CCDC196: variants seen among roughly 807,000 people sequenced by gnomAD.
CCDC196 encodes coiled-coil domain containing 196, also known as coiled-coil domain-containing protein 196.
intron 4 of CCDC196, among the ~76,000 whole-genome samples, chr14:66,489,521 C>T (rs1594735573): frequency 1.3e-5 from 2 of 152,132 alleles, no homozygotes; most frequent in South Asian, 4.1e-4. Context: ...TCCTCCTCCC[C>T]TTTTCTATTA....
chr14:66,491,525 T>C, intron 6 of CCDC196, 101 bp from the exon 7 acceptor site: 1 of 412,346 alleles, frequency 2.4e-6, no homozygotes. Context: ...ATAGTAAATC[T>C]GCGACACTAT....
intron 8 of CCDC196, among the ~76,000 whole-genome samples, chr14:66,495,094 T>G (rs1316812359): frequency 6.6e-6 from 1 of 151,676 alleles, no homozygotes; most frequent in African/African-American, 2.4e-5. Flanking sequence ...TTCTCCTTGA[T>G]GCCATCAAGT....
chr14:66,489,777 A>T (rs1217035590), intron 4 of CCDC196, among the ~76,000 whole-genome samples: 1 of 152,128 alleles, frequency 6.6e-6, no homozygotes, highest in Non-Finnish European at 1.5e-5. Context: ...ATACCCTTAT[A>T]ATTTTACAGC....
chr14:66,491,828 G>C, intron 7 of CCDC196, 143 bp downstream of exon 7: 1 of 411,476 alleles, frequency 2.4e-6, no homozygotes, highest in Non-Finnish European at 4.4e-6. Context: ...TAGAAAGATA[G>C]CTGAAGGGAC....
rs1055136 is a variant in CCDC196 at position 66,498,482 on chromosome 14, G to A, written c.*10G>A. 0.18 allele frequency: 72,719 copies of A among 412,936 alleles called. 7,143 individuals carry two copies. The highest frequency in any genetic ancestry group is 0.21 in the Non-Finnish European group (48,157 of 225,544). 25.6% of individuals were successfully genotyped at this position (412,936 alleles called of 1,614,324 possible). On this transcript the variant is annotated 3_prime_UTR_variant, in exon 10 of 10. Coordinates refer to ENST00000636229, the MANE Select transcript of CCDC196 (RefSeq NM_001351576.1). Reference sequence around the variant, plus strand: ...AGCACTGAAGAATTAGCAGGCTTTCGCTCCATTTGCTTTGGACAGATTTAA... The same window carrying A: ...AGCACTGAAGAATTAGCAGGCTTTCACTCCATTTGCTTTGGACAGATTTAA...
intron 8 of CCDC196, chr14:66,496,138 A>G: frequency 2.7e-6 from 1 of 364,816 alleles, no homozygotes; most frequent in Non-Finnish European, 5.4e-6. Flanking sequence ...TCTAGTTTCA[A>G]AAGAATTGAA....
chr14:66,496,481 C>A, intron 8 of CCDC196: 1 of 409,302 alleles, frequency 2.4e-6, no homozygotes, highest in South Asian at 1.7e-5. Context: ...CTCACTTAGT[C>A]TGTTTATACC....
Position 66,490,772 on chromosome 14 carries a change from C to T in CCDC196, c.382C>T (p.Gln128Ter). The T allele has an allele frequency of 5.0e-6, 2 of 399,516 alleles. No homozygotes were observed. The highest frequency in any genetic ancestry group is 7.1e-5 in the East Asian group (2 of 28,078). The allele number at this position is 399,516 out of a possible 1,614,324, so 24.7% of individuals were successfully genotyped here. A position where few individuals can be genotyped will look rare whatever the true frequency, so the allele number is the denominator to read the frequency against. Residue 128 changes from glutamine to a stop codon, truncating the protein, a stop_gained, in exon 5 of 10, where the codon CAA (glutamine) becomes TAA (stop). Transcript: ENST00000636229. LOFTEE classifies it high-confidence loss of function. The stretch of plus-strand genomic sequence containing the variant: ...CGAGGCAGAAGAACTTAGTGATCAA[C>T]AAAAAGCACCACAGACAAAAAACAA... ...TFEAEELSDQ[Q>*]KAPQTKNKAD...
intron 2 of CCDC196, 38 bp downstream of exon 2, chr14:66,486,847 GC>G: frequency 2.4e-6 from 1 of 412,268 alleles, no homozygotes; most frequent in Non-Finnish European, 4.4e-6. Context: ...AGGTAAAAAG[GC>G]TGGAGAACTT....
chr14:66,495,856 T>G (rs2057652496), intron 8 of CCDC196: 1 of 157,046 alleles, frequency 6.4e-6, no homozygotes, highest in African/African-American at 2.4e-5. Flanking sequence ...GGTGTATTAC[T>G]GGCAGCCTTG....
intron 4 of CCDC196, among the ~76,000 whole-genome samples, chr14:66,489,259 C>T (rs78153573): frequency 6.6e-6 from 1 of 152,228 alleles, no homozygotes; most frequent in Non-Finnish European, 1.5e-5. Context: ...GTGGCATAAT[C>T]TGGCTCTTGC....
At chr14:66,494,537 ACTT>A (rs1188395733) in intron 8 of CCDC196, 1 of 152,192 alleles carries the variant, frequency 6.6e-6, no homozygotes, top group Non-Finnish European at 1.5e-5. Flanking sequence ...GTTTACATTG[ACTT>A]CTTTAGTTTC....
chr14:66,495,871 G>C (rs377074406), intron 8 of CCDC196: 5 of 162,504 alleles, frequency 3.1e-5, no homozygotes, highest in African/African-American at 9.6e-5. Flanking sequence ...GCCTTGATTA[G>C]ACCATGTTAA....
At chr14:66,497,315 T>C (rs370743967) in intron 8 of CCDC196, among the ~76,000 whole-genome samples, 9 of 152,316 alleles carry the variant, frequency 5.9e-5, no homozygotes, top group African/African-American at 2.2e-4. Context: ...TAAAATTCTT[T>C]TCTTCCTAAA....
At chr14:66,487,172 A>T (rs1462132228) in intron 2 of CCDC196, among the ~76,000 whole-genome samples, 1 of 152,096 alleles carries the variant, frequency 6.6e-6, no homozygotes, top group Non-Finnish European at 1.5e-5. Flanking sequence ...TTCTATGCCA[A>T]GCAGTGGAAT....
intron 8 of CCDC196, among the ~76,000 whole-genome samples, chr14:66,494,226 T>C (rs1406868247): frequency 1.3e-5 from 2 of 152,256 alleles, no homozygotes; most frequent in East Asian, 3.8e-4. Context: ...TGCATTCATT[T>C]AGCACTAATT....
intron 6 of CCDC196, 126 bp from the exon 7 acceptor site, chr14:66,491,500 G>A (rs750086136): frequency 3.2e-5 from 13 of 410,818 alleles, no homozygotes; most frequent in Non-Finnish European, 5.8e-5. Flanking sequence ...GAATTGTGCA[G>A]TTAAAGTCAA....
In CCDC196 at chr14:66,491,647, G is replaced by T; in HGVS notation, c.535G>T (p.Glu179Ter). 1 of 413,978 alleles carries T rather than the reference G, an allele frequency of 2.4e-6. No individual in the cohort carries two copies. Among genetic ancestry groups the T allele is most frequent in the Admixed American group, 4.4e-5 (1 of 22,742 alleles). The allele number at this position is 413,978 out of a possible 1,614,324, so 25.6% of individuals were successfully genotyped here. A position where few individuals can be genotyped will look rare whatever the true frequency, so the allele number is the denominator to read the frequency against. Residue 179 changes from glutamate (E) to a stop codon, truncating the protein, a stop_gained, in exon 7 of 10, where the codon GAA becomes TAA. Transcript: ENST00000636229. LOFTEE classifies it high-confidence loss of function. ...CCAGGAAAAGCAACAGAGGAAAATG[G>T]AATGGGTCAAGTATCAGGAACAAAA... Reference protein sequence around the residue: ...IRKEKQQRKMEWVKYQEQNNI... With the variant: ...IRKEKQQRKM
chr14:66,492,318 A>G (rs1413114531), intron 8 of CCDC196, 124 bp downstream of exon 8: 4 of 392,482 alleles, frequency 1.0e-5, no homozygotes, highest in African/African-American at 2.2e-5. Flanking sequence ...TTAGTAGTAC[A>G]GTAATTAATT....
Sources: gnomAD v4.1 joint callset for allele counts (sites outside exome capture counted in the v4.1 genomes callset) on GRCh38, gnomAD v4.1.1 for gene constraint, MANE v1.5 for transcripts, NCBI Gene and HGNC (gene_info 2026-07-23, HGNC 2026-07-21) for gene names.